Variants in ING3 observed in about 807,000 individuals in gnomAD.
ING3 encodes inhibitor of growth protein 3.
ING3 carries 6 observed loss-of-function variants against 64.8 expected under a neutral mutation model. That is an observed-to-expected ratio of 0.09 (90% confidence interval 0.05 to 0.18). The LOEUF is 0.18. Among genes scored for constraint, ING3 ranks in the 10% least tolerant of loss-of-function variants. The pLI is 1.00. For synonymous variants in ING3, 170 were observed against 173.7 expected, an observed-to-expected ratio of 0.98 and a Z score of 0.17; for missense variants, 310 against 489.7, an observed-to-expected ratio of 0.63 and a Z score of 3.46.
chr7:120,971,592 C>G (rs1220314589), intron 10 of ING3, among the ~76,000 whole-genome samples: 1 of 152,072 alleles, frequency 6.6e-6, no homozygotes, highest in Admixed American at 6.6e-5. Flanking sequence ...TTCTCTAAAT[C>G]AGGTATACCG....
chr7:120,973,119 CCAGCAGTAT>C (rs1796090594), intron 10 of ING3, 77 bp from the exon 11 acceptor site: 1 of 628,442 alleles, frequency 1.6e-6, no homozygotes, highest in Admixed American at 2.4e-5. Context: ...CCTTTATTTT[CCAGCAGTAT>C]CATACATAAA....
At chr7:120,957,958 C>T (rs1795875526) in intron 4 of ING3, among the ~76,000 whole-genome samples, 1 of 152,178 alleles carries the variant, frequency 6.6e-6, no homozygotes, top group Non-Finnish European at 1.5e-5. Flanking sequence ...CATTAGAATA[C>T]ATACAATGCT....
chr7:120,965,267 A>T (rs1795982326), intron 5 of ING3, among the ~76,000 whole-genome samples: 1 of 152,140 alleles, frequency 6.6e-6, no homozygotes, highest in Non-Finnish European at 1.5e-5. Context: ...ACTGAAAAAG[A>T]CTCACATTGG....
At chr7:120,958,439 A>G (rs1215269004) in intron 4 of ING3, among the ~76,000 whole-genome samples, 1 of 152,026 alleles carries the variant, frequency 6.6e-6, no homozygotes, top group Non-Finnish European at 1.5e-5. Context: ...ATCTTATACT[A>G]CCTAGTCATC....
chr7:120,959,106 A>G (rs1737005994), intron 4 of ING3, among the ~76,000 whole-genome samples: 2 of 152,194 alleles, frequency 1.3e-5, no homozygotes, highest in Middle Eastern at 6.8e-3. Context: ...CACCTTTGTG[A>G]CCTTTCTTAG....
intron 4 of ING3, among the ~76,000 whole-genome samples, chr7:120,961,459 T>G (rs1055184887): frequency 6.6e-6 from 1 of 152,182 alleles, no homozygotes; most frequent in Non-Finnish European, 1.5e-5. Flanking sequence ...TATAAATTGA[T>G]TGTATTGGAA....
Position 120,964,838 on chromosome 7 carries a change from C to T in ING3, c.364C>T (p.Arg122Ter). The part of the protein sequence containing the change: ...NAGITEILER[R>*]SLELDTPSQP... Reference sequence around the variant, plus strand: ...TGGAATTACAGAAATATTAGAGAGGCGTAAGTAAAATTTACAGTTTTCCAT... The same window carrying T: ...TGGAATTACAGAAATATTAGAGAGGTGTAAGTAAAATTTACAGTTTTCCAT... Residue 122 changes from arginine (R) to a stop codon, truncating the protein, a stop_gained and splice_region_variant, in exon 5 of 12, where the codon CGA becomes TGA. Coordinates refer to ENST00000315870, the MANE Select transcript of ING3 (RefSeq NM_019071.3). LOFTEE classifies it high-confidence loss of function. 6.2e-7 allele frequency: 1 copy of T among 1,609,228 alleles called. No homozygotes were observed. The highest frequency in any genetic ancestry group is 8.5e-7 in the Non-Finnish European group (1 of 1,175,964).
chr7:120,959,574 T>C (rs1045943562), intron 4 of ING3, among the ~76,000 whole-genome samples: 3 of 151,472 alleles, frequency 2.0e-5, no homozygotes, highest in Non-Finnish European at 2.9e-5. Flanking sequence ...ACTGACCTTG[T>C]AGTCATTCAG....
chr7:120,965,810 T>C (rs1225189449), intron 5 of ING3, among the ~76,000 whole-genome samples: 1 of 152,208 alleles, frequency 6.6e-6, no homozygotes, highest in Non-Finnish European at 1.5e-5. Context: ...TATTTATTTG[T>C]GATACTTTTC....
chr7:120,951,053 G>T, intron 1 of ING3, 111 bp from the exon 2 acceptor site: 2 of 1,510,468 alleles, frequency 1.3e-6, no homozygotes, highest in Non-Finnish European at 1.8e-6. Context: ...GTAACTGGCA[G>T]CCTCGTTGTG....
At chr7:120,967,321 A>G (rs1796009103) in intron 6 of ING3, among the ~76,000 whole-genome samples, 1 of 152,170 alleles carries the variant, frequency 6.6e-6, no homozygotes, top group African/African-American at 2.4e-5. Flanking sequence ...GTACTTTGCT[A>G]GAAGTTTTTT....
At chr7:120,957,114 G>C (rs1214705731) in intron 4 of ING3, 8 of 156,196 alleles carry the variant, frequency 5.1e-5, no homozygotes, top group Non-Finnish European at 9.8e-5. Context: ...GCTCACGCCT[G>C]TAATCCCAGC....
At chr7:120,973,815 G>A (rs184151087) in intron 11 of ING3, among the ~76,000 whole-genome samples, 2 of 152,272 alleles carry the variant, frequency 1.3e-5, no homozygotes, top group East Asian at 3.9e-4. Flanking sequence ...ATTCAATACT[G>A]AGAATATTGT....
At chr7:120,967,453 A>T in intron 6 of ING3, 76 bp from the exon 7 acceptor site, 1 of 1,058,768 alleles carries the variant, frequency 9.4e-7, no homozygotes, top group Non-Finnish European at 1.3e-6. Context: ...TTCACATTTT[A>T]ACTGGATATA....
At chr7:120,965,056 T>C (rs549322242) in intron 5 of ING3, among the ~76,000 whole-genome samples, 1 of 152,158 alleles carries the variant, frequency 6.6e-6, no homozygotes, top group Admixed American at 6.5e-5. Context: ...AAACAACATA[T>C]TAAATCATTT....
At chr7:120,959,630 A>ATTTTTTTTTTTTT (rs397889009) in intron 4 of ING3, among the ~76,000 whole-genome samples, 3 of 55,702 alleles carry the variant, frequency 5.4e-5, no homozygotes, top group Admixed American at 2.6e-4. Flanking sequence ...ACTTCCTCAC[A>ATTTTTTTTTTTTT]TTTTTTTTTT....
Position 120,953,545 on chromosome 7 carries a change from T to A in ING3, c.201+141T>A, listed in dbSNP as rs532775221. 2.4e-5 allele frequency: 14 copies of A among 580,640 alleles called. No homozygotes were observed. In the African/African-American group the frequency reaches 2.8e-4, roughly 11 times the overall value. 36.0% of individuals were successfully genotyped at this position (580,640 alleles called of 1,614,324 possible). A position where few individuals can be genotyped will look rare whatever the true frequency, so the allele number is the denominator to read the frequency against. On this transcript the variant is annotated intron_variant, in intron 3 of 11. Transcript: ENST00000315870. ...TTAGAATATAAATAATTTATTGTGGTTTAGAGCTTCAGATAGGGATTTTTA... is the reference window on the plus strand; with the variant it reads ...TTAGAATATAAATAATTTATTGTGGATTAGAGCTTCAGATAGGGATTTTTA...
rs775282901 is a variant in ING3 at position 120,951,225 on chromosome 7, G to A, written c.90G>A (p.Leu30=). 4.3e-6 allele frequency: 7 copies of A among 1,614,178 alleles called. No homozygotes were observed. In the East Asian group the frequency reaches 1.3e-4, roughly 31 times the overall value. ...TCACGGAAATGCGCGAGATGGACCT[G>A]CAGGTGCAGAGTAAGTCGGCGCGTC... ...DRFTEMREMD[L]QVQNAMDQLE... The change falls in exon 2 of 12, where the codon CTG becomes CTA. Residue 30 remains leucine, a synonymous_variant. Transcript: ENST00000315870.
At chr7:120,951,091 C>T in intron 1 of ING3, 73 bp from the exon 2 acceptor site, 1 of 1,561,470 alleles carries the variant, frequency 6.4e-7, no homozygotes, top group Non-Finnish European at 8.8e-7. Flanking sequence ...ACCCCCCTGA[C>T]GCACGCGCGC....
Sources: allele counts gnomAD v4.1 joint callset (sites outside exome capture counted in the v4.1 genomes callset), GRCh38; gene constraint gnomAD v4.1.1; transcripts MANE v1.5; gene names NCBI Gene and HGNC (gene_info 2026-07-23, HGNC 2026-07-21).